Variants in TSC22D4 observed in about 807,000 individuals in gnomAD.
The protein encoded by TSC22D4 is TSC22 domain family protein 4.
TSC22D4 carries 5 observed loss-of-function variants against 24.9 expected under a neutral mutation model. The observed-to-expected ratio is 0.20, with a 90% CI of 0.10 to 0.42. The LOEUF is 0.42. TSC22D4 is among the 10% of genes least tolerant of loss of function. The pLI is 1.00. For missense variants in TSC22D4, 469 were observed against 547.9 expected, an observed-to-expected ratio of 0.86 and a Z score of 1.44; for synonymous variants, 245 against 243.2, an observed-to-expected ratio of 1.01 and a Z score of -0.07.
intron 3 of TSC22D4, among the ~76,000 whole-genome samples, chr7:100,468,919 A>G (rs571567690): frequency 6.7e-6 from 1 of 150,080 alleles, no homozygotes; most frequent in East Asian, 2.0e-4. Flanking sequence ...CCTGGACGAC[A>G]GAGTGAGATC....
chr7:100,468,599 G>T (rs2131041006), intron 3 of TSC22D4, among the ~76,000 whole-genome samples: 1 of 152,298 alleles, frequency 6.6e-6, no homozygotes, highest in South Asian at 2.1e-4. Context: ...AATGGGAAAG[G>T]TTACCATGGC....
At chr7:100,470,400 T>C (rs1799369996) in intron 3 of TSC22D4, among the ~76,000 whole-genome samples, 1 of 152,176 alleles carries the variant, frequency 6.6e-6, no homozygotes, top group African/African-American at 2.4e-5. Flanking sequence ...CAAGTGATTC[T>C]CCTGCCTCAG....
At chr7:100,476,240 G>C (rs1051153995) in intron 2 of TSC22D4, among the ~76,000 whole-genome samples, 10 of 149,806 alleles carry the variant, frequency 6.7e-5, no homozygotes, top group African/African-American at 2.0e-4. Flanking sequence ...GTTGGGGGAG[G>C]GGGGGTAGGA....
intron 3 of TSC22D4, among the ~76,000 whole-genome samples, chr7:100,468,893 T>C (rs1799340564): frequency 6.6e-6 from 1 of 150,396 alleles, no homozygotes; most frequent in Non-Finnish European, 1.5e-5. Flanking sequence ...GCCGAGATCG[T>C]GCTACTGCAC....
chr7:100,478,350 AGTGTGTGTGTGTGTGTGTGTGT>A (rs35439211), intron 1 of TSC22D4, 43 bp from the exon 2 acceptor site: 22 of 83,738 alleles, frequency 2.6e-4, no homozygotes, highest in Middle Eastern at 5.6e-3. Context: ...AGAGAGAGAG[AGTGTGTGTGTGTGTGTGTGTGT>A]GTGTGTGTGT....
At chr7:100,476,097 C>T (rs2131051988) in intron 2 of TSC22D4, among the ~76,000 whole-genome samples, 1 of 151,820 alleles carries the variant, frequency 6.6e-6, no homozygotes, top group East Asian at 1.9e-4. Flanking sequence ...GAAGCTCAGG[C>T]CAGGCTTAAG....
In TSC22D4 at chr7:100,467,600, A is replaced by G; in HGVS notation, c.930T>C (p.Ser310=). The G allele has an allele frequency of 6.2e-7, 1 of 1,614,074 alleles. No homozygotes were observed. Among genetic ancestry groups the G allele is most frequent in the Non-Finnish European group, 8.5e-7 (1 of 1,179,962 alleles). ...ISGHLDSDDD[S]GSGSLVGIDN... ...CAATGCCAACCAGGCTTCCGGAGCC[A>G]CTGGAGAGACACAGGAAGGTGAGGG... Residue 310 remains serine (S), a splice_region_variant and synonymous_variant, in exon 4 of 5, where the codon AGT becomes AGC. Transcript: ENST00000300181.
Position 100,477,910 on chromosome 7 carries a change from C to G in TSC22D4, c.129G>C (p.Leu43=). Residue 43 remains leucine (L), a synonymous_variant, in exon 2 of 5, where the codon CTG becomes CTC. Coordinates refer to ENST00000300181, the MANE Select transcript of TSC22D4 (RefSeq NM_030935.5). The surrounding 1 kb of genome is among the most constrained non-coding windows in gnomAD (Gnocchi z 7.8). ...PQPPTGPPPR[L]PNGEPSPDPG... is the part of the protein sequence containing the mutation. ...GATCGGGGCTGGGCTCCCCATTGGGCAGGCGGGGCGGGGGCCCGGTTGGGG... is the reference window on the plus strand; with the variant it reads ...GATCGGGGCTGGGCTCCCCATTGGGGAGGCGGGGCGGGGGCCCGGTTGGGG... 6.4e-7 allele frequency: 1 copy of G among 1,560,054 alleles called. No homozygotes were observed. The highest frequency in any genetic ancestry group is 8.7e-7 in the Non-Finnish European group (1 of 1,152,990).
chr7:100,467,129 C>T lies in TSC22D4; in HGVS notation c.1018G>A (p.Glu340Lys), dbSNP rs554100812. 1.2e-6 allele frequency: 2 copies of T among 1,614,192 alleles called. No individual in the cohort carries two copies. Among genetic ancestry groups the T allele is most frequent in the East Asian group, 2.2e-5 (1 of 44,888 alleles). The change falls in exon 5 of 5, where the codon GAG (glutamate) becomes AAG (lysine). Residue 340 changes from glutamate (E) to lysine (K), a missense_variant. Coordinates refer to ENST00000300181, the MANE Select transcript of TSC22D4 (RefSeq NM_030935.5). ...KSHLMFAVRE[E>K]VEVLKEQIRE... Reference sequence around the variant, plus strand: ...ATCTGCTCCTTCAGCACCTCCACCTCCTCCCGGACCGCAAACATGAGGTGG... The same window carrying T: ...ATCTGCTCCTTCAGCACCTCCACCTTCTCCCGGACCGCAAACATGAGGTGG...
chr7:100,472,699 T>TG (rs1208593943), intron 3 of TSC22D4, among the ~76,000 whole-genome samples: 1 of 151,924 alleles, frequency 6.6e-6, no homozygotes, highest in Non-Finnish European at 1.5e-5. Context: ...CACCCAGTCC[T>TG]GCCCAGCCCC....
At chr7:100,471,695 G>A (rs866627134) in intron 3 of TSC22D4, among the ~76,000 whole-genome samples, 1 of 152,044 alleles carries the variant, frequency 6.6e-6, no homozygotes, top group Non-Finnish European at 1.5e-5. Context: ...AGCCAAGATC[G>A]TGCCACTGCA....
intron 3 of TSC22D4, among the ~76,000 whole-genome samples, chr7:100,468,536 G>A (rs1201647673): frequency 1.3e-5 from 2 of 152,284 alleles, no homozygotes; most frequent in South Asian, 2.1e-4. Context: ...TCACATCATG[G>A]GTGACCCCTG....
Position 100,478,078 on chromosome 7 carries a change from G to T in TSC22D4, c.-40C>A. On this transcript the variant is annotated 5_prime_UTR_variant, in exon 2 of 5. Transcript: ENST00000300181. The stretch of plus-strand genomic sequence containing the variant: ...AGGGCTGGGCCAAGGTTGGGGGTGG[G>T]TTGGGGCTCCTTGAAGGGGCTCAGG... 6.5e-7 allele frequency: 1 copy of T among 1,543,446 alleles called. No individual in the cohort carries two copies.
chr7:100,470,544 C>G (rs1799372759), intron 3 of TSC22D4, among the ~76,000 whole-genome samples: 1 of 152,132 alleles, frequency 6.6e-6, no homozygotes, highest in Non-Finnish European at 1.5e-5. Flanking sequence ...ACCTCATGAT[C>G]CACCCACCTC....
rs763835855 is a variant in TSC22D4, at chr7:100,477,406, C to T, written c.633G>A (p.Thr211=). ...GESAGTSRAA[T]PLPSLRVEAE... ...CTTCCACCCTCAGAGAGGGCAGGGG[C>T]GTGGCAGCCCGGGATGTGCCCGCAC... Residue 211 remains threonine (T), a synonymous_variant, in exon 2 of 5, where the codon ACG becomes ACA. Transcript: ENST00000300181. The surrounding 1 kb of genome is among the most constrained non-coding windows in gnomAD (Gnocchi z 7.8). The T allele has an allele frequency of 4.4e-6, 7 of 1,595,390 alleles. No homozygotes were observed. Among genetic ancestry groups the T allele is most frequent in the Admixed American group, 3.5e-5 (2 of 57,210 alleles).
chr7:100,469,247 T>C (rs1222562864), intron 3 of TSC22D4, among the ~76,000 whole-genome samples: 1 of 114,780 alleles, frequency 8.7e-6, no homozygotes, highest in Non-Finnish European at 1.8e-5. Context: ...AAAAAAAAAA[T>C]CGCCTATGGG....
chr7:100,478,486 G>C (rs979159185), intron 1 of TSC22D4, among the ~76,000 whole-genome samples, 179 bp from the exon 2 acceptor site: 3 of 150,908 alleles, frequency 2.0e-5, no homozygotes, highest in African/African-American at 7.3e-5. Context: ...CCAGAGACAG[G>C]CAAGAGATGA....
At position 100,478,045 on chromosome 7, in the gene TSC22D4, TG is replaced by T. The variant is rs1799542466; in HGVS notation, c.-8del. On this transcript the variant is annotated 5_prime_UTR_variant, in exon 2 of 5. Coordinates refer to ENST00000300181, the MANE Select transcript of TSC22D4 (RefSeq NM_030935.5). ...TCTTCTTGCCCCCGCTCATGGTCCC[TG>T]GGGCTCAGGGCTGGGCCAAGGTTGG... is the stretch of plus-strand genomic sequence containing the variant. 2 of 1,480,116 alleles carry T rather than the reference TG, an allele frequency of 1.4e-6. No individual in the cohort carries two copies. The highest frequency in any genetic ancestry group is 9.0e-7 in the Non-Finnish European group (1 of 1,107,548). The allele number at this position is 1,480,116 out of a possible 1,614,324, so 91.7% of individuals were successfully genotyped here.
chr7:100,478,106 CCCCTGG>C lies in TSC22D4; in HGVS notation c.-74_-69del. The C allele has an allele frequency of 7.3e-7, 1 of 1,376,940 alleles. No homozygotes were observed. Among genetic ancestry groups the C allele is most frequent in the Non-Finnish European group, 9.8e-7 (1 of 1,021,356 alleles). The allele number at this position is 1,376,940 out of a possible 1,614,324, so 85.3% of individuals were successfully genotyped here. A position where few individuals can be genotyped will look rare whatever the true frequency, so the allele number is the denominator to read the frequency against. ...GGGGCTCCTTGAAGGGGCTCAGGCA[CCCCTGG>C]AACAAGGGGGCCACATGGCGGGGAC... On this transcript the variant is annotated 5_prime_UTR_variant, in exon 2 of 5. Transcript: ENST00000300181.
Sources: allele counts gnomAD v4.1 joint callset (sites outside exome capture counted in the v4.1 genomes callset), GRCh38; gene constraint gnomAD v4.1.1; non-coding constraint Gnocchi (gnomAD v3.1); transcripts MANE v1.5; gene names NCBI Gene and HGNC (gene_info 2026-07-23, HGNC 2026-07-21).